The following TP53I11 variants were observed in gnomAD, a reference collection of about 807,000 sequenced individuals.
TP53I11 encodes tumor protein p53 inducible protein 11.
In TP53I11, 9 loss-of-function variants were observed where a neutral mutation model predicts 23.3. That is an observed-to-expected ratio of 0.39 (90% CI 0.23 to 0.67). The LOEUF (loss-of-function observed/expected upper bound fraction) is 0.67. Among genes scored for constraint, TP53I11 ranks in the 30% least tolerant of loss-of-function variants. The pLI, the probability that TP53I11 is intolerant of heterozygous loss-of-function variation, is 0.48. For synonymous variants in TP53I11, 100 were observed against 106.1 expected (o/e 0.94, Z 0.35); for missense variants, 170 against 255.2 (o/e 0.67, Z 2.27).
chr11:44,937,688 G>T, intron 2 of TP53I11, 75 bp from the exon 3 acceptor site: 1 of 1,508,158 alleles, frequency 6.6e-7, no homozygotes, highest in Non-Finnish European at 9.2e-7. Flanking sequence ...TCCTCCCAGA[G>T]CCCTGCACAC....
intron 1 of TP53I11, among the ~76,000 whole-genome samples, chr11:44,940,043 T>C (rs1861604964): frequency 6.6e-6 from 1 of 152,230 alleles, no homozygotes; most frequent in African/African-American, 2.4e-5. Flanking sequence ...ACCCGGCTCC[T>C]GGAGGGCCCA....
Position 44,938,341 on chromosome 11 carries a change from C to T in TP53I11, c.-6G>A, listed in dbSNP as rs773314862. On this transcript the variant is annotated 5_prime_UTR_variant, in exon 2 of 7. Transcript: ENST00000525680. ...GGGGGCTGCTTGGCCGCCATCTTCT[C>T]CTCCAGCCCGGCCTCTGCAGAAGGG... is the stretch of plus-strand genomic sequence containing the variant. 1 of 1,593,656 alleles carries T rather than the reference C, an allele frequency of 6.3e-7. No homozygotes were observed. The highest frequency in any genetic ancestry group is 2.3e-5 in the East Asian group (1 of 44,164).
chr11:44,946,556 C>T (rs1171348048), intron 1 of TP53I11, among the ~76,000 whole-genome samples: 1 of 152,232 alleles, frequency 6.6e-6, no homozygotes, highest in African/African-American at 2.4e-5. Context: ...TGGCAACCCC[C>T]GTCTCCATGA....
Position 44,938,312 on chromosome 11 carries a change from A to C in TP53I11, c.24T>G (p.Pro8=), listed in dbSNP as rs1472827352. MAAKQPP[P]LMKKHSQTDL... Reference sequence around the variant, plus strand: ...CCGTCTGGCTGTGCTTCTTCATCAGAGGCGGGGGCTGCTTGGCCGCCATCT... The same window carrying C: ...CCGTCTGGCTGTGCTTCTTCATCAGCGGCGGGGGCTGCTTGGCCGCCATCT... The change falls in exon 2 of 7, where the codon CCT becomes CCG. Residue 8 remains proline, a synonymous_variant. Transcript: ENST00000525680. 6.2e-7 allele frequency: 1 copy of C among 1,608,076 alleles called. No homozygotes were observed. Among genetic ancestry groups the C allele is most frequent in the Admixed American group, 1.7e-5 (1 of 59,374 alleles).
Position 44,936,286 on chromosome 11 carries a change from T to C in TP53I11, c.334+517A>G, listed in dbSNP as rs1018257451. The stretch of plus-strand genomic sequence containing the variant: ...AGCTCAGCCTTTATTCTGTAGGCAA[T>C]AGGGAGCCATAGAATATTTCGTAGA... On this transcript the variant is annotated intron_variant, in intron 5 of 6. Transcript: ENST00000525680. The surrounding 1 kb of genome is among the most constrained non-coding windows in gnomAD (Gnocchi z 4.4). 5 of 1,122,812 alleles carry C rather than the reference T, an allele frequency of 4.5e-6. No individual in the cohort carries two copies. In the African/African-American group the frequency reaches 5.0e-5, roughly 11 times the overall value. The allele number at this position is 1,122,812 out of a possible 1,614,324, so 69.6% of individuals were successfully genotyped here.
chr11:44,936,553 A>C lies in TP53I11; in HGVS notation c.334+250T>G. 1 of 1,279,850 alleles carries C rather than the reference A, an allele frequency of 7.8e-7. No individual in the cohort carries two copies. The highest frequency in any genetic ancestry group is 9.9e-7 in the Non-Finnish European group (1 of 1,013,730). 79.3% of individuals were successfully genotyped at this position (1,279,850 alleles called of 1,614,324 possible). A position where few individuals can be genotyped will look rare whatever the true frequency, so the allele number is the denominator to read the frequency against. On this transcript the variant is annotated intron_variant, in intron 5 of 6. Coordinates refer to ENST00000525680, the MANE Select transcript of TP53I11 (RefSeq NM_006034.5). This position sits in a 1 kb window ranked among gnomAD's most constrained non-coding sequence, Gnocchi z 4.4. ...GTACCACAACGCCCAGAGGCAGTGC[A>C]CACACTTATGAGCGCTCCTTGCAGA...
In TP53I11 at chr11:44,934,602, G is replaced by T; in HGVS notation, c.*282C>A. On this transcript the variant is annotated 3_prime_UTR_variant, in exon 7 of 7. Coordinates refer to ENST00000525680, the MANE Select transcript of TP53I11 (RefSeq NM_006034.5). ...TAGTCAGTGTCTATTGAGGGGGTCT[G>T]GAGGCCAAGAGACCCAAGGAAAGGA... The T allele has an allele frequency of 2.4e-6, 1 of 417,612 alleles. No individual in the cohort carries two copies. Among genetic ancestry groups the T allele is most frequent in the South Asian group, 2.7e-5 (1 of 36,550 alleles). The allele number at this position is 417,612 out of a possible 1,614,324, so 25.9% of individuals were successfully genotyped here. A position where few individuals can be genotyped will look rare whatever the true frequency, so the allele number is the denominator to read the frequency against.
Position 44,933,093 on chromosome 11 carries a change from T to C in TP53I11, c.*1791A>G, listed in dbSNP as rs916312743. 6.6e-6 allele frequency: 1 copy of C among 151,804 alleles called. No homozygotes were observed. Among genetic ancestry groups the C allele is most frequent in the Non-Finnish European group, 1.5e-5 (1 of 68,046 alleles). The allele number at this position is 151,804 out of a possible 1,614,324, so 9.4% of individuals were successfully genotyped here. ...GCTCGGCAGCAGGGAGGCAGCTCTT[T>C]AGGGAGAGGCACAGGCTTAGGTAGC... On this transcript the variant is annotated 3_prime_UTR_variant, in exon 7 of 7. Transcript: ENST00000525680.
chr11:44,948,688 T>A (rs996093570), intron 1 of TP53I11, among the ~76,000 whole-genome samples: 7 of 152,242 alleles, frequency 4.6e-5, no homozygotes, highest in African/African-American at 1.7e-4. Flanking sequence ...CTTTGCTCCA[T>A]AAGCCATTTT....
At chr11:44,935,367 G>A (rs1016582673) in intron 6 of TP53I11, among the ~76,000 whole-genome samples, 194 bp downstream of exon 6, 13 of 152,192 alleles carry the variant, frequency 8.5e-5, no homozygotes, top group Admixed American at 5.2e-4. Flanking sequence ...CTACAGGCAC[G>A]TGTGTTAGGC....
At chr11:44,938,520 T>A in intron 1 of TP53I11, 154 bp from the exon 2 acceptor site, 1 of 872,446 alleles carries the variant, frequency 1.1e-6, no homozygotes, top group East Asian at 3.2e-5. Flanking sequence ...CTGGCTTCCT[T>A]GTCAAATGGG....
rs139990196 is a variant in TP53I11, at chr11:44,936,023, T to G, written c.335-361A>C. 971 of 312,210 alleles carry G rather than the reference T, an allele frequency of 3.1e-3. 5 individuals are homozygous for G. The highest frequency in any genetic ancestry group is 0.02 in the African/African-American group (921 of 46,502). 19.3% of individuals were successfully genotyped at this position (312,210 alleles called of 1,614,324 possible). A position where few individuals can be genotyped will look rare whatever the true frequency, so the allele number is the denominator to read the frequency against. ...TGCTGTGTTCATGGAGTTCATGAGT[T>G]AATGGGTTACCTGGTCCTATGATTG... On this transcript the variant is annotated intron_variant, in intron 5 of 6. Coordinates refer to ENST00000525680, the MANE Select transcript of TP53I11 (RefSeq NM_006034.5). This position sits in a 1 kb window ranked among gnomAD's most constrained non-coding sequence, Gnocchi z 4.4.
rs138337388 is a variant in TP53I11, at chr11:44,937,740, C to T, written c.130-127G>A. ...GCACCTCAGCTTGGCCAAAGGTTCC[C>T]CCAGGTGGGGAGGGTCACATGAGGC... is the stretch of plus-strand genomic sequence containing the variant. On this transcript the variant is annotated intron_variant, in intron 2 of 6. Coordinates refer to ENST00000525680, the MANE Select transcript of TP53I11 (RefSeq NM_006034.5). 500 of 944,296 alleles carry T rather than the reference C, an allele frequency of 5.3e-4. 2 individuals carry two copies. The African/African-American group carries it at 7.6e-3, about 14-fold the overall frequency. 58.5% of individuals were successfully genotyped at this position (944,296 alleles called of 1,614,324 possible). A position where few individuals can be genotyped will look rare whatever the true frequency, so the allele number is the denominator to read the frequency against.
intron 1 of TP53I11, among the ~76,000 whole-genome samples, chr11:44,949,516 G>A (rs1451387786): frequency 1.3e-5 from 2 of 152,216 alleles, no homozygotes; most frequent in East Asian, 3.9e-4. Flanking sequence ...TCTTGCCCCA[G>A]CCTCCATCTC....
In TP53I11 at chr11:44,935,628, C is replaced by T. The variant is rs1201258500; in HGVS notation, c.369G>A (p.Thr123=). The T allele has an allele frequency of 6.3e-6, 9 of 1,422,564 alleles. No individual in the cohort carries two copies. The highest frequency in any genetic ancestry group is 3.4e-5 in the South Asian group (3 of 88,586). 88.1% of individuals were successfully genotyped at this position (1,422,564 alleles called of 1,614,324 possible). A position where few individuals can be genotyped will look rare whatever the true frequency, so the allele number is the denominator to read the frequency against. Residue 123 remains threonine, a synonymous_variant, in exon 6 of 7, where the codon ACG becomes ACA. Transcript: ENST00000525680. ...ISLIMWNALY[T]AEKVIIRWTL... ...TCCATCGAATGATGACCTTCTCAGC[C>T]GTGTAGAGAGCGTTCCACATGATCA...
chr11:44,935,448 T>C (rs959225498), intron 6 of TP53I11, 113 bp downstream of exon 6: 34 of 953,414 alleles, frequency 3.6e-5, no homozygotes, highest in Non-Finnish European at 4.7e-5. Context: ...ATCCCCTCCC[T>C]AGCCCCCCAC....
At chr11:44,950,071 C>CA (rs915066648) in intron 1 of TP53I11, 1 of 152,302 alleles carries the variant, frequency 6.6e-6, no homozygotes, top group Non-Finnish European at 1.5e-5. Context: ...CCCCTGCCCC[C>CA]AGGCCCCCAC....
intron 6 of TP53I11, 99 bp downstream of exon 6, chr11:44,935,462 C>A: frequency 9.1e-7 from 1 of 1,104,292 alleles, no homozygotes; most frequent in South Asian, 1.3e-5. Context: ...CCCCCACAGA[C>A]AGGTTTTCAT....
Position 44,936,395 on chromosome 11 carries a change from GA to G in TP53I11, c.334+407del, listed in dbSNP as rs1861111777. 1 of 1,231,932 alleles carries G rather than the reference GA, an allele frequency of 8.1e-7. No individual in the cohort carries two copies. The highest frequency in any genetic ancestry group is 3.2e-5 in the East Asian group (1 of 31,648). The allele number at this position is 1,231,932 out of a possible 1,614,324, so 76.3% of individuals were successfully genotyped here. ...TGCATCTCAGGTTAGAGAGGAAACA[GA>G]AGTGGTTCAAACAGAAGTGGCTCTG... On this transcript the variant is annotated intron_variant, in intron 5 of 6. Coordinates refer to ENST00000525680, the MANE Select transcript of TP53I11 (RefSeq NM_006034.5). This position sits in a 1 kb window ranked among gnomAD's most constrained non-coding sequence, Gnocchi z 4.4.
Sources: allele counts gnomAD v4.1 joint callset (sites outside exome capture counted in the v4.1 genomes callset), GRCh38; gene constraint gnomAD v4.1.1; non-coding constraint Gnocchi (gnomAD v3.1); transcripts MANE v1.5; gene names NCBI Gene and HGNC (gene_info 2026-07-23, HGNC 2026-07-21).